GUCA1C: variants seen among roughly 807,000 people sequenced by gnomAD.
GUCA1C encodes guanylate cyclase activator 1C.
In GUCA1C, 15 loss-of-function variants were observed where a neutral mutation model predicts 16.2. The observed-to-expected ratio is 0.93, with a 90% CI of 0.62 to 1.43. The LOEUF is 1.43. Among genes scored for constraint, GUCA1C ranks in the 40% most tolerant of loss-of-function variants. The pLI, the probability that GUCA1C is intolerant of heterozygous loss-of-function variation, is 0.00. For missense variants in GUCA1C, 275 were observed against 244.8 expected, an observed-to-expected ratio of 1.12 and a Z score of -0.82; for synonymous variants, 78 against 85.4, an observed-to-expected ratio of 0.91 and a Z score of 0.48.
At chr3:108,943,924 T>A (rs1946816496) in intron 1 of GUCA1C, among the ~76,000 whole-genome samples, 1 of 151,978 alleles carries the variant, frequency 6.6e-6, no homozygotes, top group Non-Finnish European at 1.5e-5. Context: ...TAGTCTCCAA[T>A]CTCATCCAGG....
chr3:108,931,499 C>G (rs1486910795), intron 1 of GUCA1C, among the ~76,000 whole-genome samples: 1 of 152,204 alleles, frequency 6.6e-6, no homozygotes, highest in African/African-American at 2.4e-5. Flanking sequence ...TTTGTGTTTT[C>G]ATTTCAGTAT....
chr3:108,912,971 G>C (rs1287649306), intron 3 of GUCA1C, among the ~76,000 whole-genome samples: 1 of 151,946 alleles, frequency 6.6e-6, no homozygotes, highest in East Asian at 1.9e-4. Context: ...CCTTTATTTT[G>C]CTTAACCTTC....
chr3:108,932,036 G>C (rs943710370), intron 1 of GUCA1C, among the ~76,000 whole-genome samples: 7 of 151,530 alleles, frequency 4.6e-5, no homozygotes, highest in African/African-American at 1.7e-4. Flanking sequence ...ATTTTTAGTA[G>C]AGACGGGGTT....
intron 1 of GUCA1C, among the ~76,000 whole-genome samples, chr3:108,928,229 C>G (rs1226417662): frequency 6.6e-6 from 1 of 152,236 alleles, no homozygotes; most frequent in African/African-American, 2.4e-5. Flanking sequence ...TCTCCACACA[C>G]TGCTCCATCC....
chr3:108,936,550 C>G (rs918394981), intron 1 of GUCA1C, among the ~76,000 whole-genome samples: 1 of 152,146 alleles, frequency 6.6e-6, no homozygotes, highest in African/African-American at 2.4e-5. Flanking sequence ...GTCAGCCACA[C>G]TCTTAAAGGC....
chr3:108,921,045 G>T lies in GUCA1C; in HGVS notation c.205-460C>A, dbSNP rs1218935125. The stretch of plus-strand genomic sequence containing the variant: ...GCCATGTACACACCATTATAGTATT[G>T]CATAGAGTAGTTTTGCTATCCTAAA... On this transcript the variant is annotated intron_variant, in intron 1 of 3. Coordinates refer to ENST00000261047, the MANE Select transcript of GUCA1C (RefSeq NM_005459.4). Among the ~76,000 whole-genome samples the T allele has an allele frequency of 1.1e-4, 16 of 152,118 alleles. 1 individual carries two copies. The highest frequency in any genetic ancestry group is 7.9e-4 in the Admixed American group (12 of 15,270).
intron 1 of GUCA1C, among the ~76,000 whole-genome samples, chr3:108,948,642 G>GT (rs1293530042): frequency 6.6e-6 from 1 of 152,056 alleles, no homozygotes; most frequent in Non-Finnish European, 1.5e-5. Flanking sequence ...ATTTTGGAAG[G>GT]TTTTTTTCCA....
At chr3:108,912,122 A>AATAATAATAATAATAATCATCATCATC (rs762101057) in intron 3 of GUCA1C, among the ~76,000 whole-genome samples, 2 of 147,720 alleles carry the variant, frequency 1.4e-5, no homozygotes, top group Non-Finnish European at 3.0e-5. Flanking sequence ...TAATAATAAT[A>AATAATAATAATAATAATCATCATCATC]ATCACCCTTT....
chr3:108,923,882 T>G (rs1348370745), intron 1 of GUCA1C, among the ~76,000 whole-genome samples: 1 of 152,206 alleles, frequency 6.6e-6, no homozygotes, highest in Admixed American at 6.5e-5. Context: ...TGGTTAGGTA[T>G]ATTCCTAAGT....
chr3:108,949,368 G>A (rs1437815550), intron 1 of GUCA1C, among the ~76,000 whole-genome samples: 1 of 152,162 alleles, frequency 6.6e-6, no homozygotes, highest in Non-Finnish European at 1.5e-5. Context: ...GGAAGGTTGG[G>A]AGAAGTGTCC....
intron 1 of GUCA1C, among the ~76,000 whole-genome samples, chr3:108,936,549 A>G (rs1276978304): frequency 6.6e-6 from 1 of 152,070 alleles, no homozygotes; most frequent in East Asian, 1.9e-4. Flanking sequence ...AGTCAGCCAC[A>G]CTCTTAAAGG....
At chr3:108,934,808 C>CTT (rs71629371) in intron 1 of GUCA1C, among the ~76,000 whole-genome samples, 54,464 of 86,032 alleles carry the variant, frequency 0.63, 19,898 homozygotes, top group Non-Finnish European at 0.7. Flanking sequence ...TGTTCTTGAT[C>CTT]TTTTTTTTTT....
At chr3:108,923,668 A>AT (rs1209319976) in intron 1 of GUCA1C, among the ~76,000 whole-genome samples, 1 of 151,410 alleles carries the variant, frequency 6.6e-6, no homozygotes, top group Non-Finnish European at 1.5e-5. Context: ...GAATTTTAGA[A>AT]TTTTTTTTCT....
At chr3:108,911,813 T>G (rs1358509207) in intron 3 of GUCA1C, among the ~76,000 whole-genome samples, 2 of 152,148 alleles carry the variant, frequency 1.3e-5, no homozygotes, top group African/African-American at 4.8e-5. Context: ...TGCTCAATAA[T>G]CACCCTTTTT....
chr3:108,931,418 C>T (rs1946664626), intron 1 of GUCA1C, among the ~76,000 whole-genome samples: 1 of 152,232 alleles, frequency 6.6e-6, no homozygotes, highest in African/African-American at 2.4e-5. Flanking sequence ...TTTAAATGAA[C>T]AACCTGGTTA....
At chr3:108,947,202 C>A (rs1388284035) in intron 1 of GUCA1C, among the ~76,000 whole-genome samples, 2 of 152,018 alleles carry the variant, frequency 1.3e-5, no homozygotes, top group African/African-American at 4.8e-5. Context: ...ATAATGCATT[C>A]TAACAATAAA....
chr3:108,939,324 CTTTTTTTTTTTTT>C (rs549981150), intron 1 of GUCA1C, among the ~76,000 whole-genome samples: 2 of 32,912 alleles, frequency 6.1e-5, no homozygotes, highest in East Asian at 5.4e-4. Flanking sequence ...TGCTTCAAGG[CTTTTTTTTTTTTT>C]TTTTTTTTTT....
At chr3:108,950,610 C>CA (rs1041097376) in intron 1 of GUCA1C, among the ~76,000 whole-genome samples, 2 of 151,990 alleles carry the variant, frequency 1.3e-5, no homozygotes, top group Non-Finnish European at 2.9e-5. Flanking sequence ...GTGTGATTAG[C>CA]AAAAAATATT....
upstream of GUCA1C, among the ~76,000 whole-genome samples, chr3:108,954,794 T>C (rs1046269234): frequency 4.0e-5 from 6 of 149,078 alleles, no homozygotes; most frequent in African/African-American, 1.5e-4. Flanking sequence ...TGGAGTGCAG[T>C]GGCATGATCT....
Sources: allele counts gnomAD v4.1 joint callset (sites outside exome capture counted in the v4.1 genomes callset), GRCh38; gene constraint gnomAD v4.1.1; transcripts MANE v1.5; gene names NCBI Gene and HGNC (gene_info 2026-07-23, HGNC 2026-07-21).